TCF7L1: variants seen among roughly 807,000 people sequenced by gnomAD.
TCF7L1 encodes transcription factor 7 like 1, also known as transcription factor 7-like 1.
In TCF7L1, 18 loss-of-function variants were observed where a neutral mutation model predicts 63.7. The observed-to-expected ratio is 0.28, with a 90% CI of 0.20 to 0.42. TCF7L1 has a LOEUF of 0.42. Ranked by LOEUF, TCF7L1 falls within the 10% of genes least tolerant of loss-of-function variation. The pLI is 1.00. For synonymous variants in TCF7L1, 355 were observed against 340.9 expected (o/e 1.04, Z -0.46); for missense variants, 654 against 779.3 (o/e 0.84, Z 1.91).
At chr2:85,286,842 A>G (rs776526552) in intron 4 of TCF7L1, among the ~76,000 whole-genome samples, 1 of 152,116 alleles carries the variant, frequency 6.6e-6, no homozygotes, top group Non-Finnish European at 1.5e-5. Context: ...CTATAGTCCC[A>G]TTTACTCAGG....
At chr2:85,261,811 C>T (rs2104347084) in intron 3 of TCF7L1, among the ~76,000 whole-genome samples, 1 of 152,038 alleles carries the variant, frequency 6.6e-6, no homozygotes. Flanking sequence ...CGCATGAGCC[C>T]AGGAGGCCAC....
chr2:85,209,836 C>A (rs1458373830), intron 3 of TCF7L1, among the ~76,000 whole-genome samples: 27 of 152,242 alleles, frequency 1.8e-4, no homozygotes, highest in African/African-American at 6.5e-4. Flanking sequence ...AAAAATGTAT[C>A]CTATAGCCCT....
At chr2:85,265,202 A>G (rs1680938868) in intron 3 of TCF7L1, among the ~76,000 whole-genome samples, 2 of 152,172 alleles carry the variant, frequency 1.3e-5, no homozygotes, top group Admixed American at 1.3e-4. Context: ...AGAAGCCCAA[A>G]CAATGGGTAG....
intron 3 of TCF7L1, among the ~76,000 whole-genome samples, chr2:85,157,972 C>G (rs909739138): frequency 2.0e-5 from 3 of 152,172 alleles, no homozygotes; most frequent in African/African-American, 7.2e-5. Flanking sequence ...TTTAGAGGTG[C>G]CTTCTGGGAT....
chr2:85,199,173 C>T (rs1679222051), intron 3 of TCF7L1, among the ~76,000 whole-genome samples: 1 of 152,144 alleles, frequency 6.6e-6, no homozygotes, highest in South Asian at 2.1e-4. Flanking sequence ...GCTGGAGTAA[C>T]TAGAAAAAGA....
intron 3 of TCF7L1, among the ~76,000 whole-genome samples, chr2:85,193,902 G>A (rs1679092245): frequency 6.6e-6 from 1 of 151,894 alleles, no homozygotes. Context: ...AGTGGTATGT[G>A]GAAGTTCATT....
chr2:85,271,379 G>C (rs1432218961), intron 3 of TCF7L1, among the ~76,000 whole-genome samples: 2 of 152,190 alleles, frequency 1.3e-5, no homozygotes, highest in Admixed American at 6.5e-5. Flanking sequence ...CGAAAGTGCT[G>C]GGATTACAGG....
At chr2:85,258,180 C>T (rs1413918576) in intron 3 of TCF7L1, among the ~76,000 whole-genome samples, 1 of 152,036 alleles carries the variant, frequency 6.6e-6, no homozygotes, top group Non-Finnish European at 1.5e-5. Context: ...GCCTCACAGT[C>T]CAGTGAGCCA....
Position 85,134,134 on chromosome 2 carries a change from T to C in TCF7L1, c.313+55T>C. On this transcript the variant is annotated intron_variant, in intron 2 of 11. Coordinates refer to ENST00000282111, the MANE Select transcript of TCF7L1 (RefSeq NM_031283.3). The surrounding 1 kb of genome is among the most constrained non-coding windows in gnomAD (Gnocchi z 5.0). ...CTCGATTCCCGCTGCGCTCCGCTGC[T>C]CAGCCCGGGCGGCCCACCGTCCCCC... 1 of 1,588,464 alleles carries C rather than the reference T, an allele frequency of 6.3e-7. No individual in the cohort carries two copies. The highest frequency in any genetic ancestry group is 8.6e-7 in the Non-Finnish European group (1 of 1,166,432).
chr2:85,223,930 C>T (rs1342650959), intron 3 of TCF7L1, among the ~76,000 whole-genome samples: 1 of 152,056 alleles, frequency 6.6e-6, no homozygotes, highest in African/African-American at 2.4e-5. Flanking sequence ...TAACACTATC[C>T]CTCCCCCAGC....
intron 3 of TCF7L1, among the ~76,000 whole-genome samples, chr2:85,280,564 G>C (rs2104365669): frequency 6.6e-6 from 1 of 152,322 alleles, no homozygotes; most frequent in South Asian, 2.1e-4. Flanking sequence ...GATGCTGGTA[G>C]AGTTGATGGA....
intron 3 of TCF7L1, among the ~76,000 whole-genome samples, chr2:85,176,557 T>C (rs963806049): frequency 6.6e-6 from 1 of 152,182 alleles, no homozygotes; most frequent in African/African-American, 2.4e-5. Flanking sequence ...TGTCTCCAGG[T>C]AAGTAGTTCT....
intron 3 of TCF7L1, among the ~76,000 whole-genome samples, chr2:85,194,750 C>T (rs1203338405): frequency 3.3e-5 from 5 of 152,144 alleles, no homozygotes; most frequent in Admixed American, 1.3e-4. Context: ...ACAGAAGAAT[C>T]AGGAGGAAAC....
At chr2:85,223,794 CT>C (rs1383735560) in intron 3 of TCF7L1, among the ~76,000 whole-genome samples, 1 of 152,070 alleles carries the variant, frequency 6.6e-6, no homozygotes, top group Non-Finnish European at 1.5e-5. Flanking sequence ...CCTATTTTAC[CT>C]TTTTTTATTA....
At chr2:85,246,155 A>T (rs997359565) in intron 3 of TCF7L1, among the ~76,000 whole-genome samples, 3 of 152,238 alleles carry the variant, frequency 2.0e-5, no homozygotes, top group African/African-American at 7.2e-5. Flanking sequence ...GAAATCATGC[A>T]TTGGGAAAAA....
At chr2:85,284,903 G>A (rs1422810409) in intron 4 of TCF7L1, among the ~76,000 whole-genome samples, 1 of 152,188 alleles carries the variant, frequency 6.6e-6, no homozygotes, top group East Asian at 1.9e-4. Context: ...GATTTAAAGT[G>A]AATCCCAGAC....
chr2:85,283,626 T>C (rs1681476071), intron 4 of TCF7L1, 48 bp downstream of exon 4: 2 of 1,572,126 alleles, frequency 1.3e-6, no homozygotes, highest in South Asian at 1.1e-5. Context: ...ATTAGTGGCC[T>C]CATCCCATGC....
At chr2:85,201,722 A>G (rs1350042787) in intron 3 of TCF7L1, among the ~76,000 whole-genome samples, 1 of 152,168 alleles carries the variant, frequency 6.6e-6, no homozygotes, top group Non-Finnish European at 1.5e-5. Flanking sequence ...TGCCATCAGC[A>G]GTGTATGAGG....
intron 11 of TCF7L1, among the ~76,000 whole-genome samples, chr2:85,308,425 C>CT (rs1162632330): frequency 2.2e-5 from 3 of 136,308 alleles, no homozygotes; most frequent in African/African-American, 8.5e-5. Context: ...CCTTCCCTCC[C>CT]TCCTTTTCTC....
Sources: allele counts gnomAD v4.1 joint callset (sites outside exome capture counted in the v4.1 genomes callset), GRCh38; gene constraint gnomAD v4.1.1; non-coding constraint Gnocchi (gnomAD v3.1); transcripts MANE v1.5; gene names NCBI Gene and HGNC (gene_info 2026-07-23, HGNC 2026-07-21).